DOCK2: variants seen among roughly 807,000 people sequenced by gnomAD.
DOCK2 encodes dedicator of cytokinesis 2, also known as dedicator of cytokinesis protein 2.
In DOCK2, 87 loss-of-function variants were observed where a neutral mutation model predicts 248.9. That is an observed-to-expected ratio of 0.35 (90% CI 0.29 to 0.42). The LOEUF (loss-of-function observed/expected upper bound fraction) is 0.42. DOCK2 is among the 10% of genes least tolerant of loss of function. DOCK2 has a pLI of 1.00. For synonymous variants in DOCK2, 805 were observed against 821.6 expected, an observed-to-expected ratio of 0.98 and a Z score of 0.35; for missense variants, 1,747 against 2,300.2, an observed-to-expected ratio of 0.76 and a Z score of 4.92.
At chr5:169,812,343 C>G (rs1375334902) in intron 26 of DOCK2, among the ~76,000 whole-genome samples, 1 of 152,168 alleles carries the variant, frequency 6.6e-6, no homozygotes, top group Non-Finnish European at 1.5e-5. Flanking sequence ...TCTCCTATCC[C>G]CCTGAGACGG....
At chr5:170,076,165 G>C (rs1757832650) in intron 47 of DOCK2, 81 bp downstream of exon 47, 4 of 1,542,084 alleles carry the variant, frequency 2.6e-6, no homozygotes, top group Non-Finnish European at 3.5e-6. Flanking sequence ...GAAGTTGGAG[G>C]GGATCCAGCA....
At chr5:169,742,387 C>G (rs1174903101) in intron 22 of DOCK2, among the ~76,000 whole-genome samples, 1 of 152,176 alleles carries the variant, frequency 6.6e-6, no homozygotes, top group African/African-American at 2.4e-5. Context: ...AAATCTGAGT[C>G]TCAGAGAGAT....
At chr5:169,761,087 T>C (rs1423294437) in intron 24 of DOCK2, among the ~76,000 whole-genome samples, 2 of 152,214 alleles carry the variant, frequency 1.3e-5, no homozygotes, top group African/African-American at 2.4e-5. Context: ...AGTAAAATGG[T>C]ATGGTAATGA....
At chr5:169,750,995 C>T (rs264883) in intron 23 of DOCK2, among the ~76,000 whole-genome samples, 1 of 152,110 alleles carries the variant, frequency 6.6e-6, no homozygotes, top group African/African-American at 2.4e-5. Context: ...TTAGGCACAT[C>T]GTTTCAGCTT....
intron 27 of DOCK2, chr5:169,883,658 G>A (rs1173475139): frequency 1.3e-6 from 2 of 1,551,128 alleles, no homozygotes; most frequent in Non-Finnish European, 1.7e-6. Context: ...GGGAAGGAGA[G>A]CGAGTAGGTG....
chr5:169,793,881 A>G (rs1458660221), intron 25 of DOCK2, among the ~76,000 whole-genome samples: 1 of 152,070 alleles, frequency 6.6e-6, no homozygotes, highest in Non-Finnish European at 1.5e-5. Context: ...CCCTGAAATC[A>G]GTGCATGCAG....
intron 9 of DOCK2, among the ~76,000 whole-genome samples, chr5:169,694,900 G>C (rs1760524556): frequency 6.6e-6 from 1 of 152,098 alleles, no homozygotes; most frequent in Admixed American, 6.5e-5. Flanking sequence ...ATTTGAGCCT[G>C]GGAGACTGAG....
chr5:169,772,758 C>A (rs1476442601), intron 25 of DOCK2, among the ~76,000 whole-genome samples: 2 of 152,194 alleles, frequency 1.3e-5, no homozygotes, highest in Non-Finnish European at 2.9e-5. Context: ...GAAAAATATT[C>A]TCCCAATACT....
chr5:169,669,433 A>G (rs1758917343), intron 3 of DOCK2, 105 bp downstream of exon 3: 1 of 1,271,596 alleles, frequency 7.9e-7, no homozygotes. Flanking sequence ...AGCAAAGGGA[A>G]TCCATCTCTC....
intron 25 of DOCK2, among the ~76,000 whole-genome samples, chr5:169,788,617 T>C (rs1480839259): frequency 6.6e-6 from 1 of 152,360 alleles, no homozygotes; most frequent in African/African-American, 2.4e-5. Context: ...GCTGCCCTTA[T>C]GGCCCCAGTA....
chr5:169,838,600 G>C (rs369738495), intron 26 of DOCK2, among the ~76,000 whole-genome samples: 5 of 152,312 alleles, frequency 3.3e-5, no homozygotes, highest in African/African-American at 1.2e-4. Flanking sequence ...CCAGAAATAT[G>C]GGGAGATCTG....
At chr5:169,678,467 C>G (rs1759465105) in intron 6 of DOCK2, among the ~76,000 whole-genome samples, 1 of 152,130 alleles carries the variant, frequency 6.6e-6, no homozygotes, top group South Asian at 2.1e-4. Context: ...TTTCACCAGT[C>G]TCTACCAGGC....
chr5:169,929,170 G>A (rs920898294), intron 27 of DOCK2, among the ~76,000 whole-genome samples: 5 of 152,170 alleles, frequency 3.3e-5, no homozygotes, highest in African/African-American at 1.2e-4. Flanking sequence ...CATAGCAGGG[G>A]GTTAAAGGTG....
chr5:169,704,453 G>A (rs191102953), intron 14 of DOCK2, among the ~76,000 whole-genome samples: 2 of 113,242 alleles, frequency 1.8e-5, no homozygotes, highest in Admixed American at 8.3e-5. Context: ...TGCTCAGGAG[G>A]GGTCATAGCA....
chr5:169,831,021 C>G (rs1769192859), intron 26 of DOCK2, among the ~76,000 whole-genome samples: 1 of 152,168 alleles, frequency 6.6e-6, no homozygotes, highest in South Asian at 2.1e-4. Context: ...GCCTGACTTT[C>G]ATTTCTTTCC....
chr5:170,073,589 T>C (rs1001785869), intron 46 of DOCK2, among the ~76,000 whole-genome samples: 2 of 152,232 alleles, frequency 1.3e-5, no homozygotes, highest in African/African-American at 4.8e-5. Flanking sequence ...TCCATTTATA[T>C]AGTTCTTTAA....
intron 30 of DOCK2, chr5:169,997,983 A>C (rs1410833675): frequency 6.6e-6 from 3 of 456,204 alleles, no homozygotes; most frequent in Non-Finnish European, 1.3e-5. Flanking sequence ...GGGTTTTTCC[A>C]GAACTGGAAT....
chr5:169,970,771 CT>C (rs1469911554), intron 27 of DOCK2, among the ~76,000 whole-genome samples: 1 of 152,064 alleles, frequency 6.6e-6, no homozygotes, highest in Non-Finnish European at 1.5e-5. Flanking sequence ...TTTTTCTTTT[CT>C]AGATGGAATT....
intron 27 of DOCK2, among the ~76,000 whole-genome samples, chr5:169,950,786 C>T (rs1776633524): frequency 6.6e-6 from 1 of 152,212 alleles, no homozygotes; most frequent in South Asian, 2.1e-4. Flanking sequence ...GTCCCCAGCT[C>T]TATGTGATGA....
Sources: allele counts gnomAD v4.1 joint callset (sites outside exome capture counted in the v4.1 genomes callset), GRCh38; gene constraint gnomAD v4.1.1; transcripts MANE v1.5; gene names NCBI Gene and HGNC (gene_info 2026-07-23, HGNC 2026-07-21).